The following MAF variants were observed in gnomAD, a reference collection of about 807,000 sequenced individuals.
MAF encodes the protein transcription factor Maf.
MAF carries 10 observed loss-of-function variants against 22.0 expected under a neutral mutation model. That is an observed-to-expected ratio of 0.45 (90% confidence interval 0.28 to 0.77). The LOEUF is 0.77. Among genes scored for constraint, MAF ranks in the 30% least tolerant of loss-of-function variants. The probability of loss-of-function intolerance (pLI) is 0.12; values close to 1 mark genes in which losing one functional copy is unlikely to be tolerated. For synonymous variants in MAF, 337 were observed against 255.8 expected, an observed-to-expected ratio of 1.32 and a Z score of -3.03; for missense variants, 544 against 548.4, an observed-to-expected ratio of 0.99 and a Z score of 0.08.
chr16:79,538,666 T>C, the MAF span, among the ~76,000 whole-genome samples: 2 of 152,154 alleles, frequency 1.3e-5, no homozygotes, highest in East Asian at 3.9e-4. Flanking sequence ...TATAAATTGC[T>C]GGGAGAAATC....
chr16:79,479,612 C>T, the MAF span, among the ~76,000 whole-genome samples: 1 of 152,182 alleles, frequency 6.6e-6, no homozygotes, highest in African/African-American at 2.4e-5. Flanking sequence ...GCCAACTTGC[C>T]TGTATCTGAA....
At chr16:79,590,049 G>A (rs1441250843), downstream of MAF, among the ~76,000 whole-genome samples, 2 of 152,176 alleles carry the variant, frequency 1.3e-5, no homozygotes, top group Non-Finnish European at 2.9e-5. Flanking sequence ...CGCACCTACT[G>A]TACGCCCCTC....
At chr16:79,391,905 G>T in the MAF span, among the ~76,000 whole-genome samples, 2 of 146,648 alleles carry the variant, frequency 1.4e-5, no homozygotes, top group African/African-American at 5.1e-5. Context: ...GGAGCAGGAG[G>T]AGGAGAAGGA....
chr16:79,317,838 G>C, the MAF span, among the ~76,000 whole-genome samples: 3 of 152,142 alleles, frequency 2.0e-5, no homozygotes, highest in Admixed American at 6.5e-5. Flanking sequence ...AGCTGACTGT[G>C]TTTTCTAGCC....
the MAF span, among the ~76,000 whole-genome samples, chr16:79,518,188 C>T: frequency 6.6e-6 from 1 of 152,176 alleles, no homozygotes; most frequent in Non-Finnish European, 1.5e-5. Flanking sequence ...AAATCATTTG[C>T]CCAATGTCAC....
chr16:79,208,013 C>G, the MAF span, among the ~76,000 whole-genome samples: 1 of 152,176 alleles, frequency 6.6e-6, no homozygotes, highest in Non-Finnish European at 1.5e-5. Flanking sequence ...TAAACAGCAA[C>G]TGCTTTCTAA....
the MAF span, among the ~76,000 whole-genome samples, chr16:79,369,311 G>A: frequency 4.1e-4 from 63 of 152,254 alleles, no homozygotes; most frequent in East Asian, 2.5e-3. Flanking sequence ...ATCCCTGTCC[G>A]CAAGGAACTC....
the MAF span, among the ~76,000 whole-genome samples, chr16:79,253,141 A>C: frequency 6.6e-6 from 1 of 152,136 alleles, no homozygotes; most frequent in African/African-American, 2.4e-5. Context: ...CTTGACCTTC[A>C]AATAGCTGTG....
the MAF span, among the ~76,000 whole-genome samples, chr16:79,302,525 C>T: frequency 6.6e-6 from 1 of 152,350 alleles, no homozygotes; most frequent in South Asian, 2.1e-4. Flanking sequence ...TGCCTGGTTG[C>T]AGGCAGCACT....
chr16:79,445,812 G>A, the MAF span, among the ~76,000 whole-genome samples: 1 of 152,198 alleles, frequency 6.6e-6, no homozygotes, highest in Non-Finnish European at 1.5e-5. Context: ...GCTCCTAAAT[G>A]TTTTGATTGT....
the MAF span, among the ~76,000 whole-genome samples, chr16:79,260,127 C>T: frequency 6.6e-6 from 1 of 152,150 alleles, no homozygotes; most frequent in African/African-American, 2.4e-5. Flanking sequence ...ACTCCATACA[C>T]TTGACTCATT....
chr16:79,577,375 A>G, the MAF span, among the ~76,000 whole-genome samples: 1 of 152,214 alleles, frequency 6.6e-6, no homozygotes, highest in Non-Finnish European at 1.5e-5. Context: ...GTGTCTATCT[A>G]GAAATATCTG....
the MAF span, chr16:79,206,242 C>CGGCAGAGCA: frequency 2.0e-5 from 3 of 152,242 alleles, no homozygotes; most frequent in Admixed American, 2.0e-4. Context: ...GCTGAGAAGG[C>CGGCAGAGCA]GGCAGAGCAG....
chr16:79,209,713 T>G, the MAF span, among the ~76,000 whole-genome samples: 2 of 152,186 alleles, frequency 1.3e-5, no homozygotes, highest in Non-Finnish European at 2.9e-5. Flanking sequence ...TTGGCTTGAG[T>G]TAGCTGGATG....
chr16:79,291,670 C>T, the MAF span, among the ~76,000 whole-genome samples: 1 of 150,882 alleles, frequency 6.6e-6, no homozygotes, highest in African/African-American at 2.4e-5. Context: ...AGCCAGCTAC[C>T]CATGAGTTAT....
chr16:79,446,827 G>C, the MAF span, among the ~76,000 whole-genome samples: 4 of 152,012 alleles, frequency 2.6e-5, no homozygotes, highest in East Asian at 7.7e-4. Flanking sequence ...AGGATCACTT[G>C]AGCCAAGGAG....
At chr16:79,576,947 G>C in the MAF span, among the ~76,000 whole-genome samples, 1 of 152,126 alleles carries the variant, frequency 6.6e-6, no homozygotes, top group East Asian at 1.9e-4. Context: ...TTTTATTAGA[G>C]TGATTTAATG....
At chr16:79,288,749 A>G in the MAF span, among the ~76,000 whole-genome samples, 1 of 152,090 alleles carries the variant, frequency 6.6e-6, no homozygotes, top group African/African-American at 2.4e-5. Context: ...TTGTTTTTTG[A>G]GATAGGGTCT....
the MAF span, among the ~76,000 whole-genome samples, chr16:79,544,201 G>A: frequency 6.6e-6 from 1 of 152,128 alleles, no homozygotes; most frequent in African/African-American, 2.4e-5. Flanking sequence ...TAAATTTACA[G>A]TTCAACACAG....
Sources: gnomAD v4.1 joint callset for allele counts (sites outside exome capture counted in the v4.1 genomes callset) on GRCh38, gnomAD v4.1.1 for gene constraint, MANE v1.5 for transcripts, NCBI Gene and HGNC (gene_info 2026-07-23, HGNC 2026-07-21) for gene names.